Variants in EPB41L3 observed in about 807,000 individuals in gnomAD.
The protein encoded by EPB41L3 is band 4.1-like protein 3.
In EPB41L3, 57 loss-of-function variants were observed where a neutral mutation model predicts 127.1. The ratio of observed to expected loss-of-function variants is 0.45; its 90% confidence interval spans 0.36 to 0.56. The LOEUF (loss-of-function observed/expected upper bound fraction) is 0.56. Among genes scored for constraint, EPB41L3 ranks in the 20% least tolerant of loss-of-function variants. EPB41L3 has a pLI of 0.00. For synonymous variants in EPB41L3, 572 were observed against 549.5 expected (o/e 1.04, Z -0.57); for missense variants, 1,273 against 1,372.2 (o/e 0.93, Z 1.14).
At chr18:5,396,067 T>C in intron 19 of EPB41L3, 134 bp downstream of exon 19, 2 of 1,129,368 alleles carry the variant, frequency 1.8e-6, no homozygotes, top group Non-Finnish European at 2.6e-6. Context: ...TTGCATCACT[T>C]TTAATAGAAA....
chr18:5,493,543 G>A (rs759042978), intron 1 of EPB41L3, among the ~76,000 whole-genome samples: 16 of 151,682 alleles, frequency 1.1e-4, no homozygotes, highest in Non-Finnish European at 1.8e-4. Flanking sequence ...AATATTCTTT[G>A]GCCCTTCTAC....
intron 14 of EPB41L3, 70 bp from the exon 15 acceptor site, chr18:5,407,806 G>T: frequency 6.9e-7 from 1 of 1,458,774 alleles, no homozygotes; most frequent in South Asian, 1.1e-5. Flanking sequence ...AAGAACTATG[G>T]TCTACATAGA....
At chr18:5,580,395 T>G (rs1454965287) in intron 3 of EPB41L3, among the ~76,000 whole-genome samples, 1 of 152,144 alleles carries the variant, frequency 6.6e-6, no homozygotes, top group African/African-American at 2.4e-5. Context: ...TCATGCCATG[T>G]GTATAGACAC....
In EPB41L3 at chr18:5,397,954, C is replaced by CA. The variant is rs1340203632; in HGVS notation, c.2472+66dup. 5.6e-6 allele frequency: 9 copies of CA among 1,604,012 alleles called. No individual in the cohort carries two copies. The highest frequency in any genetic ancestry group is 2.7e-5 in the African/African-American group (2 of 74,320). Reference sequence around the variant, plus strand: ...CTGGATGCAACCACACACTCACGCCCAAAAAAAGGGTAAGGAAAGGCACAT... The same window carrying CA: ...CTGGATGCAACCACACACTCACGCCCAAAAAAAAGGGTAAGGAAAGGCACAT... On this transcript the variant is annotated intron_variant, in intron 17 of 22. Coordinates refer to ENST00000341928, the MANE Select transcript of EPB41L3 (RefSeq NM_012307.5). This position sits in a 1 kb window ranked among gnomAD's most constrained non-coding sequence, Gnocchi z 4.1.
intron 1 of EPB41L3, 99 bp from the exon 2 acceptor site, chr18:5,489,293 C>G (rs368514555): frequency 9.4e-6 from 13 of 1,387,790 alleles, no homozygotes; most frequent in Non-Finnish European, 1.2e-5. Context: ...AAGAGAACCA[C>G]AGAGAGGGAG....
intron 6 of EPB41L3, among the ~76,000 whole-genome samples, chr18:5,434,935 C>T (rs940125071): frequency 6.6e-6 from 1 of 152,162 alleles, no homozygotes; most frequent in Non-Finnish European, 1.5e-5. Flanking sequence ...GTGTTACTGT[C>T]CCTGAAGACC....
At chr18:5,483,992 C>A (rs1416258366) in intron 2 of EPB41L3, among the ~76,000 whole-genome samples, 1 of 145,668 alleles carries the variant, frequency 6.9e-6, no homozygotes, top group Non-Finnish European at 1.5e-5. Context: ...ACACATTTCA[C>A]CCAACTGCTG....
chr18:5,459,034 A>G (rs2083538097), intron 3 of EPB41L3, among the ~76,000 whole-genome samples: 1 of 152,142 alleles, frequency 6.6e-6, no homozygotes, highest in African/African-American at 2.4e-5. Context: ...ACTTCCATGA[A>G]CCACATCCTT....
rs2093788527 is a variant in EPB41L3 at position 5,543,176 on chromosome 18, C to G, written c.-12+737G>C. 1 of 151,258 alleles carries G rather than the reference C, an allele frequency of 6.6e-6. No individual in the cohort carries two copies. Among genetic ancestry groups the G allele is most frequent in the South Asian group, 2.1e-4 (1 of 4,842 alleles). The allele number at this position is 151,258 out of a possible 1,614,324, so 9.4% of individuals were successfully genotyped here. A position where few individuals can be genotyped will look rare whatever the true frequency, so the allele number is the denominator to read the frequency against. On this transcript the variant is annotated intron_variant, in intron 1 of 22. Transcript: ENST00000341928. The surrounding 1 kb of genome is among the most constrained non-coding windows in gnomAD (Gnocchi z 5.2). ...GAGGGGCCCCGGCAGGTGCCCAGGC[C>G]CAGGGCAACCCCGCTTGGACGCTCC...
intron 6 of EPB41L3, among the ~76,000 whole-genome samples, chr18:5,435,585 A>G (rs1326172830): frequency 6.6e-6 from 1 of 152,248 alleles, no homozygotes; most frequent in African/African-American, 2.4e-5. Context: ...CTAGATGACT[A>G]GCAGGCTCTA....
intron 1 of EPB41L3, among the ~76,000 whole-genome samples, chr18:5,623,655 C>CT (rs368566723): frequency 0.57 from 83,431 of 147,400 alleles, 25,028 homozygotes; most frequent in African/African-American, 0.8. Context: ...TCTTTTCATT[C>CT]TTTTTTTTTT....
intron 3 of EPB41L3, among the ~76,000 whole-genome samples, chr18:5,476,007 C>T (rs1225032150): frequency 6.6e-6 from 1 of 152,114 alleles, no homozygotes; most frequent in Non-Finnish European, 1.5e-5. Context: ...CCAAACTTTA[C>T]TTTCCATTGT....
intron 3 of EPB41L3, among the ~76,000 whole-genome samples, chr18:5,455,781 A>G (rs2082957667): frequency 6.6e-6 from 1 of 150,800 alleles, no homozygotes; most frequent in African/African-American, 2.4e-5. Context: ...GATTTTTTGC[A>G]AAGAGTTTCA....
intron 3 of EPB41L3, among the ~76,000 whole-genome samples, chr18:5,452,378 C>CT (rs10700644): frequency 0.098 from 14,270 of 145,162 alleles, 1,648 homozygotes; most frequent in African/African-American, 0.29. Flanking sequence ...GCCTAAAATC[C>CT]TTTTTTTTTT....
intron 3 of EPB41L3, among the ~76,000 whole-genome samples, chr18:5,561,840 C>T (rs1056518105): frequency 3.3e-5 from 5 of 152,170 alleles, no homozygotes; most frequent in Non-Finnish European, 4.4e-5. Flanking sequence ...ATATCATGTG[C>T]CCCCGATATG....
chr18:5,506,618 C>T (rs571429622), intron 1 of EPB41L3, among the ~76,000 whole-genome samples: 4 of 152,264 alleles, frequency 2.6e-5, no homozygotes, highest in South Asian at 2.1e-4. Flanking sequence ...TTACTGTCTC[C>T]TCCCATCAGA....
At chr18:5,565,845 A>C (rs1161561530) in intron 3 of EPB41L3, among the ~76,000 whole-genome samples, 2 of 151,984 alleles carry the variant, frequency 1.3e-5, no homozygotes, top group Non-Finnish European at 2.9e-5. Context: ...CATGGTGTAT[A>C]TGTGCCACAT....
At chr18:5,485,377 C>G (rs9955253) in intron 2 of EPB41L3, among the ~76,000 whole-genome samples, 2 of 151,668 alleles carry the variant, frequency 1.3e-5, no homozygotes, top group Admixed American at 6.6e-5. Context: ...TATGAAAAAC[C>G]CAAATTAGCA....
intron 1 of EPB41L3, among the ~76,000 whole-genome samples, chr18:5,622,356 A>T (rs1028920242): frequency 6.6e-6 from 1 of 152,184 alleles, no homozygotes; most frequent in Admixed American, 6.5e-5. Context: ...ACTCTGCTAG[A>T]TGTGTATTAC....
Sources: gnomAD v4.1 joint callset for allele counts (sites outside exome capture counted in the v4.1 genomes callset) on GRCh38, gnomAD v4.1.1 for gene constraint, Gnocchi (gnomAD v3.1) non-coding constraint, MANE v1.5 for transcripts, NCBI Gene and HGNC (gene_info 2026-07-23, HGNC 2026-07-21) for gene names.